The following REDIC1 variants were observed in gnomAD, a reference collection of about 807,000 sequenced individuals.
The protein encoded by REDIC1 is regulator of DNA class I crossover intermediates 1.
the REDIC1 span, among the ~76,000 whole-genome samples, chr12:39,647,271 C>A: frequency 6.6e-6 from 1 of 151,798 alleles, no homozygotes; most frequent in African/African-American, 2.4e-5. Flanking sequence ...CACGTGGATC[C>A]CAAGATGATT....
the REDIC1 span, among the ~76,000 whole-genome samples, chr12:39,739,786 G>A: frequency 6.6e-6 from 1 of 152,078 alleles, no homozygotes; most frequent in Non-Finnish European, 1.5e-5. Flanking sequence ...TCCATCAAGA[G>A]GTGCCATCTG....
At chr12:39,644,844 A>T in the REDIC1 span, among the ~76,000 whole-genome samples, 1 of 151,988 alleles carries the variant, frequency 6.6e-6, no homozygotes, top group African/African-American at 2.4e-5. Flanking sequence ...AAAAACATAC[A>T]GATTTATTTA....
At chr12:39,809,170 C>T in the REDIC1 span, among the ~76,000 whole-genome samples, 9 of 152,132 alleles carry the variant, frequency 5.9e-5, no homozygotes, top group African/African-American at 1.9e-4. Flanking sequence ...GTTGAAAAGA[C>T]TATTCTTTCC....
chr12:39,728,577 T>C, the REDIC1 span, among the ~76,000 whole-genome samples: 1 of 152,194 alleles, frequency 6.6e-6, no homozygotes, highest in Non-Finnish European at 1.5e-5. Context: ...TTTGCATTGA[T>C]GTTCATCAGG....
the REDIC1 span, among the ~76,000 whole-genome samples, chr12:39,789,711 T>A: frequency 2.0e-5 from 3 of 152,152 alleles, no homozygotes; most frequent in Non-Finnish European, 4.4e-5. Flanking sequence ...AGCCAACATT[T>A]CTTTTTTAAG....
At chr12:39,662,952 ATTC>A in the REDIC1 span, among the ~76,000 whole-genome samples, 1 of 152,100 alleles carries the variant, frequency 6.6e-6, no homozygotes, top group Non-Finnish European at 1.5e-5. Flanking sequence ...ATGTTGAACC[ATTC>A]TTATATCCCT....
At chr12:39,719,628 A>T in the REDIC1 span, among the ~76,000 whole-genome samples, 1 of 152,156 alleles carries the variant, frequency 6.6e-6, no homozygotes, top group Non-Finnish European at 1.5e-5. Context: ...AAATAAAAAA[A>T]AATCACCAAT....
the REDIC1 span, among the ~76,000 whole-genome samples, chr12:39,782,844 G>A: frequency 3.9e-5 from 6 of 152,096 alleles, no homozygotes; most frequent in Non-Finnish European, 7.4e-5. Context: ...GTTGAAAAAC[G>A]GAGCAAAGGT....
chr12:39,724,954 G>A, the REDIC1 span, among the ~76,000 whole-genome samples: 4 of 151,962 alleles, frequency 2.6e-5, no homozygotes, highest in Admixed American at 6.6e-5. Context: ...AATTTGAAGA[G>A]ATAATAGCTG....
At chr12:39,796,556 G>A in the REDIC1 span, among the ~76,000 whole-genome samples, 1 of 151,916 alleles carries the variant, frequency 6.6e-6, no homozygotes, top group Non-Finnish European at 1.5e-5. Context: ...CATGAGCTGG[G>A]AGCTGGCACA....
At chr12:39,630,091 A>G in the REDIC1 span, among the ~76,000 whole-genome samples, 1 of 152,144 alleles carries the variant, frequency 6.6e-6, no homozygotes, top group African/African-American at 2.4e-5. Flanking sequence ...AATCAGGTTG[A>G]AGTGCAGATT....
chr12:39,843,206 C>A, the REDIC1 span, among the ~76,000 whole-genome samples: 1 of 151,962 alleles, frequency 6.6e-6, no homozygotes, highest in African/African-American at 2.4e-5. Context: ...AACTGACAGA[C>A]TCGTTTGTGC....
the REDIC1 span, among the ~76,000 whole-genome samples, chr12:39,853,944 T>G: frequency 6.6e-6 from 1 of 152,168 alleles, no homozygotes; most frequent in Non-Finnish European, 1.5e-5. Flanking sequence ...ATTTGGTACT[T>G]GATTTTCAGG....
the REDIC1 span, among the ~76,000 whole-genome samples, chr12:39,730,056 G>A: frequency 6.6e-6 from 1 of 152,084 alleles, no homozygotes; most frequent in Non-Finnish European, 1.5e-5. Flanking sequence ...GTGTGTCTTT[G>A]CAGGTGGGAT....
the REDIC1 span, among the ~76,000 whole-genome samples, chr12:39,735,636 A>C: frequency 6.6e-6 from 1 of 152,244 alleles, no homozygotes; most frequent in Non-Finnish European, 1.5e-5. Context: ...ACGAAGGCCA[A>C]ATTTAGGGCA....
the REDIC1 span, among the ~76,000 whole-genome samples, chr12:39,760,976 A>ACACACACACACACACACAC: frequency 1.3e-4 from 20 of 150,250 alleles, no homozygotes; most frequent in Non-Finnish European, 2.4e-4. Context: ...ACACACACAT[A>ACACACACACACACACACAC]ATTGAATTGC....
chr12:39,711,591 A>ATGTGCATACACATGCATG, the REDIC1 span, among the ~76,000 whole-genome samples: 1 of 26,062 alleles, frequency 3.8e-5, no homozygotes, highest in Admixed American at 2.7e-4. Flanking sequence ...ATGCATGTGT[A>ATGTGCATACACATGCATG]TATGTGTATA....
At chr12:39,833,131 C>G in the REDIC1 span, among the ~76,000 whole-genome samples, 12 of 152,094 alleles carry the variant, frequency 7.9e-5, no homozygotes, top group African/African-American at 2.7e-4. Context: ...TGGCGTACCA[C>G]TTACTCTGTA....
the REDIC1 span, among the ~76,000 whole-genome samples, chr12:39,885,793 C>T: frequency 6.6e-6 from 1 of 152,168 alleles, no homozygotes; most frequent in East Asian, 1.9e-4. Context: ...ATCTGAAGAT[C>T]GTTCCCAATG....
Sources: gnomAD v4.1 joint callset for allele counts (sites outside exome capture counted in the v4.1 genomes callset) on GRCh38, gnomAD v4.1.1 for gene constraint, MANE v1.5 for transcripts, NCBI Gene and HGNC (gene_info 2026-07-23, HGNC 2026-07-21) for gene names.